Variants in PLOD1 observed in about 807,000 individuals in gnomAD.
PLOD1 encodes the protein lysine hydroxylase.
Under a neutral mutation model 94.7 loss-of-function variants are expected in PLOD1, and 70 were observed. That is an observed-to-expected ratio of 0.74 (90% CI 0.61 to 0.90). The LOEUF is 0.90. PLOD1 is among the 40% of genes least tolerant of loss of function. PLOD1 has a pLI of 0.00. For missense variants in PLOD1, 905 were observed against 972.7 expected (o/e 0.93, Z 0.93); for synonymous variants, 417 against 400.2 (o/e 1.04, Z -0.50).
At position 11,957,269 on chromosome 1, in the gene PLOD1, G is replaced by C; in HGVS notation, c.741+255G>C. On this transcript the variant is annotated intron_variant, in intron 7 of 18. Coordinates refer to ENST00000196061, the MANE Select transcript of PLOD1 (RefSeq NM_000302.4). The surrounding 1 kb of genome is among the most constrained non-coding windows in gnomAD (Gnocchi z 4.1). Reference sequence around the variant, plus strand: ...GCCATCCCCTTCCAGGCCTAGGCTGGGCTACCAGAGCCATCTGCACTGTCA... The same window carrying C: ...GCCATCCCCTTCCAGGCCTAGGCTGCGCTACCAGAGCCATCTGCACTGTCA... 1.4e-6 allele frequency: 1 copy of C among 697,038 alleles called. No individual in the cohort carries two copies. 43.2% of individuals were successfully genotyped at this position (697,038 alleles called of 1,614,324 possible).
intron 5 of PLOD1, chr1:11,954,448 T>G: frequency 2.1e-6 from 1 of 473,048 alleles, no homozygotes; most frequent in Non-Finnish European, 4.4e-6. Flanking sequence ...GTCGTGCCAT[T>G]GCACTCCAGC....
At chr1:11,937,837 G>C (rs1645590172) in intron 1 of PLOD1, among the ~76,000 whole-genome samples, 1 of 151,752 alleles carries the variant, frequency 6.6e-6, no homozygotes, top group African/African-American at 2.4e-5. Flanking sequence ...CAAGAGAGCA[G>C]ATCCCCAGGC....
intron 16 of PLOD1, among the ~76,000 whole-genome samples, chr1:11,967,597 G>GTGTATATA (rs1391982281): frequency 8.4e-5 from 5 of 59,778 alleles, no homozygotes; most frequent in Non-Finnish European, 1.3e-4. Flanking sequence ...GTGTGTGTGT[G>GTGTATATA]TATATATATA....
chr1:11,962,547 A>T (rs1226406906), intron 10 of PLOD1, among the ~76,000 whole-genome samples: 1 of 151,698 alleles, frequency 6.6e-6, no homozygotes. Flanking sequence ...AAGTGCTGGG[A>T]TTACAGGCGT....
chr1:11,970,052 C>T (rs371646038), intron 16 of PLOD1, among the ~76,000 whole-genome samples: 3,101 of 150,626 alleles, frequency 0.021, 84 homozygotes, highest in African/African-American at 0.062. Flanking sequence ...ACCAGCCTGG[C>T]CAACATGATG....
intron 6 of PLOD1, 130 bp downstream of exon 6, chr1:11,955,023 C>A: frequency 1.4e-6 from 1 of 713,466 alleles, no homozygotes. Flanking sequence ...TCACTGGCCT[C>A]ATCCCCAGGT....
intron 14 of PLOD1, among the ~76,000 whole-genome samples, chr1:11,965,914 C>T (rs371031203): frequency 2.0e-5 from 3 of 152,288 alleles, no homozygotes; most frequent in South Asian, 2.1e-4. Context: ...GGTATACTGT[C>T]CCAGCCTGTC....
intron 10 of PLOD1, among the ~76,000 whole-genome samples, chr1:11,962,122 A>G (rs1453587951): frequency 6.6e-6 from 1 of 151,454 alleles, no homozygotes; most frequent in Non-Finnish European, 1.5e-5. Flanking sequence ...TAGAGACAGG[A>G]TCTTGCTATG....
chr1:11,951,436 C>T (rs1445032662), intron 4 of PLOD1, among the ~76,000 whole-genome samples: 1 of 151,728 alleles, frequency 6.6e-6, no homozygotes, highest in Non-Finnish European at 1.5e-5. Flanking sequence ...CGTGGTGGTA[C>T]ACGCCTGTAA....
intron 16 of PLOD1, 147 bp from the exon 17 acceptor site, chr1:11,970,523 T>G: frequency 1.3e-6 from 1 of 774,838 alleles, no homozygotes; most frequent in Non-Finnish European, 2.2e-6. Flanking sequence ...GTCAACTGAT[T>G]AGGAGCCTTA....
chr1:11,959,250 G>A (rs552212915), intron 9 of PLOD1, among the ~76,000 whole-genome samples: 24 of 151,570 alleles, frequency 1.6e-4, no homozygotes, highest in East Asian at 3.9e-4. Context: ...ATAAAATAGG[G>A]ATAATAATTG....
chr1:11,965,743 G>C, intron 14 of PLOD1, 150 bp downstream of exon 14: 1 of 624,830 alleles, frequency 1.6e-6, no homozygotes, highest in East Asian at 2.7e-5. Context: ...TATAGGGCAG[G>C]ATTTGGGTAG....
chr1:11,968,117 C>A (rs1645834682), intron 16 of PLOD1, among the ~76,000 whole-genome samples: 1 of 151,880 alleles, frequency 6.6e-6, no homozygotes, highest in Non-Finnish European at 1.5e-5. Flanking sequence ...CCATCCCTGG[C>A]TAATTTTTGT....
At position 11,963,458 on chromosome 1, in the gene PLOD1, T is replaced by A. The variant is rs1212587271; in HGVS notation, c.1098-74T>A. The A allele has an allele frequency of 1.1e-6, 1 of 948,424 alleles. No homozygotes were observed. The highest frequency in any genetic ancestry group is 1.6e-5 in the African/African-American group (1 of 61,804). The allele number at this position is 948,424 out of a possible 1,614,324, so 58.8% of individuals were successfully genotyped here. A position where few individuals can be genotyped will look rare whatever the true frequency, so the allele number is the denominator to read the frequency against. On this transcript the variant is annotated intron_variant, in intron 10 of 18. Coordinates refer to ENST00000196061, the MANE Select transcript of PLOD1 (RefSeq NM_000302.4). This position sits in a 1 kb window ranked among gnomAD's most constrained non-coding sequence, Gnocchi z 4.3. ...TGGCTGATATGTGGTGAAGCCAGAC[T>A]GTGGTCACAGATGTGAGCAGCCACC...
chr1:11,955,012 G>A, intron 6 of PLOD1, 119 bp downstream of exon 6: 1 of 774,900 alleles, frequency 1.3e-6, no homozygotes, highest in Non-Finnish European at 2.2e-6. Flanking sequence ...GTGCTGAGAG[G>A]TCACTGGCCT....
intron 1 of PLOD1, among the ~76,000 whole-genome samples, chr1:11,943,291 T>TC (rs1645627279): frequency 7.5e-6 from 1 of 132,588 alleles, no homozygotes; most frequent in Non-Finnish European, 1.5e-5. Context: ...CCCGGCTTTT[T>TC]TTTTCTTTCT....
chr1:11,943,834 C>T (rs1458756986), intron 1 of PLOD1, among the ~76,000 whole-genome samples: 1 of 152,186 alleles, frequency 6.6e-6, no homozygotes, highest in African/African-American at 2.4e-5. Context: ...GGCTTGTGTC[C>T]AAGTCCTGGT....
Position 11,934,842 on chromosome 1 carries a change from C to G in PLOD1, c.63C>G (p.Asp21Glu), listed in dbSNP as rs1645566854. The G allele has an allele frequency of 1.9e-6, 3 of 1,539,228 alleles. No homozygotes were observed. The highest frequency in any genetic ancestry group is 2.6e-6 in the Non-Finnish European group (3 of 1,145,512). The change falls in exon 1 of 19, where the codon GAC becomes GAG. Residue 21 changes from aspartate to glutamate, a missense_variant. Transcript: ENST00000196061. Reference sequence around the variant, plus strand: ...TGCTGCTGGCCGAAGCGAAGGGCGACGCCAAGCCGGAGGGTGAGGGAGCGA... The same window carrying G: ...TGCTGCTGGCCGAAGCGAAGGGCGAGGCCAAGCCGGAGGGTGAGGGAGCGA... Reference protein sequence around the residue: ...GWLLLAEAKGDAKPEDNLLVL... With the variant: ...GWLLLAEAKGEAKPEDNLLVL...
chr1:11,947,513 T>A (rs1412857684), intron 1 of PLOD1, among the ~76,000 whole-genome samples: 1 of 152,088 alleles, frequency 6.6e-6, no homozygotes, highest in East Asian at 1.9e-4. Flanking sequence ...GAGGTTGCAG[T>A]GAGCTGAGAT....
Sources: allele counts gnomAD v4.1 joint callset (sites outside exome capture counted in the v4.1 genomes callset), GRCh38; gene constraint gnomAD v4.1.1; non-coding constraint Gnocchi (gnomAD v3.1); transcripts MANE v1.5; gene names NCBI Gene and HGNC (gene_info 2026-07-23, HGNC 2026-07-21).